Variants in MGMT observed in about 807,000 individuals in gnomAD.
The protein encoded by MGMT is methylated-DNA--protein-cysteine methyltransferase.
In MGMT, 14 loss-of-function variants were observed where a neutral mutation model predicts 15.9. The ratio of observed to expected loss-of-function variants is 0.88; its 90% CI spans 0.58 to 1.37. The LOEUF is 1.37. MGMT is among the 40% of genes most tolerant of loss of function. The pLI, the probability that MGMT is intolerant of heterozygous loss-of-function variation, is 0.00. For synonymous variants in MGMT, 130 were observed against 118.2 expected, an observed-to-expected ratio of 1.10 and a Z score of -0.65; for missense variants, 282 against 268.1, an observed-to-expected ratio of 1.05 and a Z score of -0.36.
chr10:129,468,713 A>C (rs1762437), intron 1 of MGMT, among the ~76,000 whole-genome samples: 149,717 of 152,132 alleles, frequency 0.98, 73,718 homozygotes, highest in East Asian at 1. Flanking sequence ...GGTGAAACCC[A>C]GTTTCTACTA....
intron 2 of MGMT, among the ~76,000 whole-genome samples, chr10:129,665,847 G>C (rs778516634): frequency 6.6e-6 from 1 of 152,170 alleles, no homozygotes; most frequent in African/African-American, 2.4e-5. Context: ...TGAATACAAC[G>C]TGTGCCTGTA....
intron 2 of MGMT, among the ~76,000 whole-genome samples, chr10:129,657,707 G>GCGCACACA (rs1554874808): frequency 1.5e-4 from 17 of 111,562 alleles, no homozygotes; most frequent in Admixed American, 5.4e-4. Context: ...ACACACACAC[G>GCGCACACA]CACACACACA....
chr10:129,541,903 G>A (rs1016642281), intron 2 of MGMT, among the ~76,000 whole-genome samples: 4 of 152,182 alleles, frequency 2.6e-5, no homozygotes, highest in Non-Finnish European at 4.4e-5. Context: ...TTGGATTGAG[G>A]CTGGGTGGGG....
chr10:129,478,829 A>G (rs542685985), intron 1 of MGMT, among the ~76,000 whole-genome samples: 9 of 152,308 alleles, frequency 5.9e-5, no homozygotes, highest in Middle Eastern at 3.4e-3. Flanking sequence ...GTAGTGCTCT[A>G]TTTGAAGTGT....
chr10:129,619,850 T>C (rs1170620017), intron 2 of MGMT, among the ~76,000 whole-genome samples: 1 of 152,220 alleles, frequency 6.6e-6, no homozygotes, highest in Non-Finnish European at 1.5e-5. Context: ...GGAATGGTAC[T>C]TCCCACCTTC....
At chr10:129,596,590 G>A (rs564928793) in intron 2 of MGMT, among the ~76,000 whole-genome samples, 3 of 152,322 alleles carry the variant, frequency 2.0e-5, no homozygotes, top group South Asian at 4.1e-4. Flanking sequence ...GAACCACGGT[G>A]CTTGAGTGGA....
At chr10:129,507,397 G>A (rs1219900211) in intron 1 of MGMT, among the ~76,000 whole-genome samples, 1 of 152,216 alleles carries the variant, frequency 6.6e-6, no homozygotes, top group East Asian at 1.9e-4. Context: ...TTCCCAGTTT[G>A]GTGCGGGCCG....
chr10:129,659,346 G>A lies in MGMT; in HGVS notation c.126-48549G>A, dbSNP rs1459046371. The stretch of plus-strand genomic sequence containing the variant: ...CGCTCCAGCCTGGGTGGCAGAGCGA[G>A]ACTCCCTGTGTGGAAAAAAAAAAAA... On this transcript the variant is annotated intron_variant, in intron 2 of 4. Coordinates refer to ENST00000651593, the MANE Select transcript of MGMT (RefSeq NM_002412.5). This position sits in a 1 kb window ranked among gnomAD's most constrained non-coding sequence, Gnocchi z 4.1. 6.9e-6 allele frequency among the ~76,000 whole-genome samples: 1 copy of A among 143,978 alleles called. No homozygotes were observed. Among genetic ancestry groups the A allele is most frequent in the African/African-American group, 2.9e-5 (1 of 34,754 alleles). The allele number at this position is 143,978 out of a possible 152,430, so 94.5% of individuals were successfully genotyped here.
At chr10:129,766,309 A>G (rs1589983549) in intron 4 of MGMT, among the ~76,000 whole-genome samples, 1 of 152,202 alleles carries the variant, frequency 6.6e-6, no homozygotes, top group South Asian at 2.1e-4. Context: ...GCGTGCGCCC[A>G]CAGCCACAGT....
intron 2 of MGMT, among the ~76,000 whole-genome samples, chr10:129,652,008 G>A (rs767879425): frequency 6.6e-6 from 1 of 152,204 alleles, no homozygotes; most frequent in Non-Finnish European, 1.5e-5. Flanking sequence ...TCACCCAGGT[G>A]TTGGGCCTGC....
At chr10:129,639,752 A>G (rs1441465048) in intron 2 of MGMT, among the ~76,000 whole-genome samples, 1 of 152,198 alleles carries the variant, frequency 6.6e-6, no homozygotes, top group African/African-American at 2.4e-5. Context: ...ACAATGATCT[A>G]AGCTGCTGCT....
intron 4 of MGMT, among the ~76,000 whole-genome samples, chr10:129,760,233 C>T (rs1848856507): frequency 6.6e-6 from 1 of 152,232 alleles, no homozygotes; most frequent in South Asian, 2.1e-4. Flanking sequence ...GTGCGCCCGG[C>T]CAAGGCCACA....
intron 2 of MGMT, among the ~76,000 whole-genome samples, chr10:129,637,594 AT>A (rs1248490947): frequency 6.6e-6 from 1 of 152,148 alleles, no homozygotes; most frequent in Admixed American, 6.5e-5. Flanking sequence ...TGTTCCCCAA[AT>A]TCACATGTTG....
chr10:129,755,525 C>T (rs1848795690), intron 3 of MGMT, among the ~76,000 whole-genome samples: 1 of 152,238 alleles, frequency 6.6e-6, no homozygotes, highest in African/African-American at 2.4e-5. Flanking sequence ...GGAAAAGTCC[C>T]AAAGCCTGGG....
intron 1 of MGMT, among the ~76,000 whole-genome samples, chr10:129,488,353 C>T (rs1376616136): frequency 6.6e-6 from 1 of 152,106 alleles, no homozygotes; most frequent in East Asian, 1.9e-4. Context: ...TTTCGTGTTG[C>T]CATTCATCTT....
intron 2 of MGMT, among the ~76,000 whole-genome samples, chr10:129,602,846 A>C (rs1418581641): frequency 6.6e-6 from 1 of 152,072 alleles, no homozygotes; most frequent in African/African-American, 2.4e-5. Flanking sequence ...AATGTCACAT[A>C]CTGCTTCGGG....
intron 3 of MGMT, among the ~76,000 whole-genome samples, chr10:129,737,237 T>A (rs1248794137): frequency 6.6e-6 from 1 of 152,214 alleles, no homozygotes; most frequent in East Asian, 1.9e-4. Flanking sequence ...GTCCCATATT[T>A]CTTGGAGGCT....
intron 2 of MGMT, among the ~76,000 whole-genome samples, chr10:129,681,778 T>C (rs755864746): frequency 6.6e-6 from 1 of 152,170 alleles, no homozygotes; most frequent in Non-Finnish European, 1.5e-5. Context: ...TTTGTATCCA[T>C]GAAATCCTGG....
At chr10:129,523,866 A>G (rs1179370591) in intron 1 of MGMT, among the ~76,000 whole-genome samples, 1 of 152,198 alleles carries the variant, frequency 6.6e-6, no homozygotes, top group Non-Finnish European at 1.5e-5. Flanking sequence ...GTCAGAAGCC[A>G]GGCGTCCTGG....
Sources: allele counts gnomAD v4.1 joint callset (sites outside exome capture counted in the v4.1 genomes callset), GRCh38; gene constraint gnomAD v4.1.1; non-coding constraint Gnocchi (gnomAD v3.1); transcripts MANE v1.5; gene names NCBI Gene and HGNC (gene_info 2026-07-23, HGNC 2026-07-21).